The following LTAP1 variants were observed in gnomAD, a reference collection of about 807,000 sequenced individuals.
The protein encoded by LTAP1 is HCV NS5A-transactivated protein 4.
the LTAP1 span, chr1:154,219,685 G>A: frequency 1.6e-6 from 1 of 623,602 alleles, no homozygotes; most frequent in South Asian, 2.2e-5. Context: ...AAGTTCCAAA[G>A]CGCACAGTGC....
chr1:154,216,894 C>T, the LTAP1 span, among the ~76,000 whole-genome samples: 2 of 151,772 alleles, frequency 1.3e-5, no homozygotes, highest in South Asian at 2.1e-4. Flanking sequence ...CGTGATCAGC[C>T]TGCCTCGGCC....
chr1:154,213,877 G>GTT, the LTAP1 span: 1 of 1,609,322 alleles, frequency 6.2e-7, no homozygotes, highest in Non-Finnish European at 8.5e-7. Flanking sequence ...AATGGACCCT[G>GTT]TCAGGTAGCC....
the LTAP1 span, chr1:154,214,087 G>C: frequency 1.5e-6 from 1 of 671,794 alleles, no homozygotes; most frequent in African/African-American, 1.8e-5. Flanking sequence ...AGACCAGCCT[G>C]ACCAACATGG....
chr1:154,209,250 C>T, the LTAP1 span, among the ~76,000 whole-genome samples: 8 of 151,910 alleles, frequency 5.3e-5, no homozygotes, highest in Non-Finnish European at 1.0e-4. Context: ...CCCCTGCAAC[C>T]ATCATTCTAC....
chr1:154,207,397 T>C, the LTAP1 span: 3 of 1,555,732 alleles, frequency 1.9e-6, no homozygotes, highest in South Asian at 1.1e-5. Context: ...GCAAGCAGCC[T>C]GTCTTGCACA....
the LTAP1 span, among the ~76,000 whole-genome samples, chr1:154,215,922 C>T: frequency 3.3e-5 from 5 of 151,528 alleles, no homozygotes; most frequent in Non-Finnish European, 7.4e-5. Flanking sequence ...ACTGCAAGCT[C>T]CGCCTCCCGG....
chr1:154,220,525 C>A, the LTAP1 span: 318 of 1,114,190 alleles, frequency 2.9e-4, 1 homozygote, highest in Middle Eastern at 2.0e-4. Flanking sequence ...CATTTCCTTA[C>A]GGGGGAAGAC....
the LTAP1 span, chr1:154,214,657 A>G: frequency 2.4e-5 from 19 of 804,772 alleles, no homozygotes; most frequent in Non-Finnish European, 3.5e-5. Context: ...GAGTTAATGA[A>G]TAACTAAGAC....
the LTAP1 span, among the ~76,000 whole-genome samples, chr1:154,208,154 G>A: frequency 1.3e-5 from 2 of 151,616 alleles, no homozygotes; most frequent in South Asian, 4.1e-4. Context: ...TGTAATCCCA[G>A]CACTTCAGGA....
the LTAP1 span, chr1:154,208,608 A>C: frequency 6.6e-6 from 1 of 152,160 alleles, no homozygotes; most frequent in African/African-American, 2.4e-5. Flanking sequence ...AGATTAGGAA[A>C]CTAAGGGTCC....
chr1:154,209,423 G>GTTTTTTT, the LTAP1 span, among the ~76,000 whole-genome samples: 1 of 101,852 alleles, frequency 9.8e-6, no homozygotes, highest in Non-Finnish European at 1.9e-5. Context: ...GCTCTAAGCA[G>GTTTTTTT]TTTTTTTTTT....
At chr1:154,208,561 G>A in the LTAP1 span, 2 of 152,126 alleles carry the variant, frequency 1.3e-5, no homozygotes, top group South Asian at 4.1e-4. Flanking sequence ...TTTTTTCAGA[G>A]ACAGGTATCC....
the LTAP1 span, among the ~76,000 whole-genome samples, chr1:154,210,088 C>G: frequency 3.3e-5 from 5 of 151,874 alleles, no homozygotes; most frequent in African/African-American, 1.2e-4. Context: ...CTGTCACCCA[C>G]GCTGGAGTGG....
chr1:154,212,719 G>GA, the LTAP1 span: 320 of 1,416,918 alleles, frequency 2.3e-4, 2 homozygotes, highest in African/African-American at 4.0e-3. Context: ...GGAGTGCAGT[G>GA]GCAGTGATCT....
chr1:154,208,645 A>G, the LTAP1 span: 1 of 152,228 alleles, frequency 6.6e-6, no homozygotes, highest in Non-Finnish European at 1.5e-5. Flanking sequence ...GAGGTCACAA[A>G]ACTAGTTAAG....
the LTAP1 span, chr1:154,211,592 C>G: frequency 1.3e-5 from 2 of 151,906 alleles, no homozygotes; most frequent in Non-Finnish European, 2.9e-5. Flanking sequence ...GCCTCGGCCT[C>G]CCAAAGTGCT....
At chr1:154,220,129 C>A in the LTAP1 span, 1 of 726,264 alleles carries the variant, frequency 1.4e-6, no homozygotes. Flanking sequence ...GGCGTGGGGT[C>A]TGTGCTCTAG....
At chr1:154,212,160 T>C in the LTAP1 span, 3 of 824,118 alleles carry the variant, frequency 3.6e-6, no homozygotes, top group East Asian at 2.5e-5. Context: ...CCCGGCCGCA[T>C]CTGCTTTCTA....
chr1:154,210,938 C>A, the LTAP1 span, among the ~76,000 whole-genome samples: 1 of 152,044 alleles, frequency 6.6e-6, no homozygotes, highest in Non-Finnish European at 1.5e-5. Flanking sequence ...GACTCTATAG[C>A]GATGGCCTTT....
Sources: gnomAD v4.1 joint callset for allele counts (sites outside exome capture counted in the v4.1 genomes callset) on GRCh38, gnomAD v4.1.1 for gene constraint, MANE v1.5 for transcripts, NCBI Gene and HGNC (gene_info 2026-07-23, HGNC 2026-07-21) for gene names.